CHEK1: variants seen among roughly 807,000 people sequenced by gnomAD.
CHEK1 encodes checkpoint kinase 1.
Under a neutral mutation model 60.2 loss-of-function variants are expected in CHEK1, and 32 were observed. That is an observed-to-expected ratio of 0.53 (90% confidence interval 0.40 to 0.71). The LOEUF is 0.71. CHEK1 is among the 30% of genes least tolerant of loss of function. The pLI, the probability that CHEK1 is intolerant of heterozygous loss-of-function variation, is 0.00. For missense variants in CHEK1, 399 were observed against 564.6 expected, an observed-to-expected ratio of 0.71 and a Z score of 2.97; for synonymous variants, 179 against 187.2, an observed-to-expected ratio of 0.96 and a Z score of 0.36.
chr11:125,674,276 A>G (rs1942373220), intron 13 of CHEK1, among the ~76,000 whole-genome samples: 1 of 152,236 alleles, frequency 6.6e-6, no homozygotes, highest in Non-Finnish European at 1.5e-5. Context: ...AAACCATGTT[A>G]TATGCTATGC....
Position 125,635,524 on chromosome 11 carries a change from G to T in CHEK1, c.709G>T (p.Ala237Ser). The change falls in exon 7 of 13, where the codon GCT becomes TCT. Residue 237 changes from alanine to serine, a missense_variant. Ala to Ser is a moderately conservative substitution (Grantham distance 99). Transcript: ENST00000438015. Reference protein sequence around the residue: ...YLNPWKKIDSAPLALLHKILV... With the variant: ...YLNPWKKIDSSPLALLHKILV... Reference sequence around the variant, plus strand: ...CAACCCTTGGAAAAAAATCGATTCTGCTCCTCTAGGTAACTGAATTATCTT... The same window carrying T: ...CAACCCTTGGAAAAAAATCGATTCTTCTCCTCTAGGTAACTGAATTATCTT... 1 of 1,595,844 alleles carries T rather than the reference G, an allele frequency of 6.3e-7. No individual in the cohort carries two copies. The highest frequency in any genetic ancestry group is 8.5e-7 in the Non-Finnish European group (1 of 1,169,916).
chr11:125,629,423 G>T lies in CHEK1; in HGVS notation c.387G>T (p.Arg129Ser). The change falls in exon 5 of 13, where the codon AGG becomes AGT. Residue 129 changes from arginine to serine, a missense_variant. Around this residue, in one of 2 missense-constraint regions of CHEK1, gnomAD observed 370 missense variants for 494.8 expected, o/e 0.75. Transcript: ENST00000438015. ...TGCATGGTATTGGAATAACTCACAGGGATATTAAACCAGAAAATCTTCTGT... is the reference window on the plus strand; with the variant it reads ...TGCATGGTATTGGAATAACTCACAGTGATATTAAACCAGAAAATCTTCTGT... ...VYLHGIGITH[R>S]DIKPENLLLD... 1 of 1,613,434 alleles carries T rather than the reference G, an allele frequency of 6.2e-7. No individual in the cohort carries two copies. Among genetic ancestry groups the T allele is most frequent in the Non-Finnish European group, 8.5e-7 (1 of 1,179,680 alleles).
At chr11:125,663,723 T>A (rs1279809681) in intron 13 of CHEK1, among the ~76,000 whole-genome samples, 1 of 152,180 alleles carries the variant, frequency 6.6e-6, no homozygotes, top group Non-Finnish European at 1.5e-5. Flanking sequence ...GATGTCTTCA[T>A]CATAAAATCT....
At chr11:125,652,924 T>A (rs895003193) in intron 11 of CHEK1, among the ~76,000 whole-genome samples, 2 of 152,172 alleles carry the variant, frequency 1.3e-5, no homozygotes, top group Non-Finnish European at 2.9e-5. Context: ...CCTATCTAGC[T>A]GTAATTTTGT....
At chr11:125,676,872 A>G (rs1013662791), downstream of CHEK1, among the ~76,000 whole-genome samples, 13 of 152,186 alleles carry the variant, frequency 8.5e-5, no homozygotes, top group Non-Finnish European at 1.6e-4. Flanking sequence ...ACTTGGAGTC[A>G]TATTTGACCG....
chr11:125,648,725 G>A (rs1941600843), intron 11 of CHEK1, among the ~76,000 whole-genome samples: 1 of 151,160 alleles, frequency 6.6e-6, no homozygotes, highest in African/African-American at 2.4e-5. Flanking sequence ...AACAGAAATA[G>A]AGTCTTTGTC....
At chr11:125,648,005 CT>C (rs953430756) in intron 11 of CHEK1, among the ~76,000 whole-genome samples, 1 of 151,472 alleles carries the variant, frequency 6.6e-6, no homozygotes, top group Non-Finnish European at 1.5e-5. Flanking sequence ...AACATGGGGC[CT>C]TTTTTTTCCC....
rs1269445439 is a variant in CHEK1, at chr11:125,627,641, G to A, written c.100G>A (p.Ala34Thr). 6.2e-7 allele frequency: 1 copy of A among 1,613,790 alleles called. No homozygotes were observed. Among genetic ancestry groups the A allele is most frequent in the Non-Finnish European group, 8.5e-7 (1 of 1,179,874 alleles). The change falls in exon 3 of 13, where the codon GCA (alanine) becomes ACA (threonine). Residue 34 changes from alanine to threonine, a missense_variant. Transcript: ENST00000438015. ...TGCTGTGAATAGAGTAACTGAAGAA[G>A]CAGTCGCAGTGAAGATTGTAGATAT... Reference protein sequence around the residue: ...QLAVNRVTEEAVAVKIVDMKR... With the variant: ...QLAVNRVTEETVAVKIVDMKR...
chr11:125,651,574 C>T (rs1591418560), intron 11 of CHEK1, among the ~76,000 whole-genome samples: 1 of 152,122 alleles, frequency 6.6e-6, no homozygotes, highest in Non-Finnish European at 1.5e-5. Flanking sequence ...AGGCATGAGC[C>T]ACTGTGCCTG....
At chr11:125,629,595 A>T (rs867579262) in intron 5 of CHEK1, 135 bp downstream of exon 5, 3 of 659,394 alleles carry the variant, frequency 4.5e-6, no homozygotes, top group Non-Finnish European at 7.3e-6. Flanking sequence ...TCAAGACAAG[A>T]TCTGAAAAAT....
At chr11:125,668,837 A>G (rs556514765) in intron 13 of CHEK1, among the ~76,000 whole-genome samples, 2 of 152,316 alleles carry the variant, frequency 1.3e-5, no homozygotes, top group African/African-American at 4.8e-5. Flanking sequence ...GATTACAGGT[A>G]TAAGCCACCG....
rs1395326925 is a variant in CHEK1 at position 125,643,905 on chromosome 11, G to A, written c.923+5G>A. ...TCCAGTAAACAGTGCTTCTAGGTAA[G>A]ACTGATAAAGATTGAGTAGTTTTTG... On this transcript the variant is annotated splice_donor_5th_base_variant and intron_variant, in intron 9 of 12. Transcript: ENST00000438015. 5 of 1,607,052 alleles carry A rather than the reference G, an allele frequency of 3.1e-6. No homozygotes were observed. The highest frequency in any genetic ancestry group is 4.3e-6 in the Non-Finnish European group (5 of 1,175,448).
At chr11:125,672,538 T>C (rs1190177714) in intron 13 of CHEK1, 8 of 1,603,004 alleles carry the variant, frequency 5.0e-6, no homozygotes, top group South Asian at 2.2e-5. Context: ...ATGAGCCAAA[T>C]AGAGTGATGG....
intron 1 of CHEK1, 120 bp from the exon 2 acceptor site, chr11:125,626,629 G>T: frequency 1.3e-6 from 1 of 784,204 alleles, no homozygotes; most frequent in South Asian, 1.5e-5. Flanking sequence ...ATGTGGATGA[G>T]ATAGAAGGGG....
intron 13 of CHEK1, among the ~76,000 whole-genome samples, chr11:125,669,563 G>A (rs1205755592): frequency 2.4e-5 from 3 of 122,552 alleles, no homozygotes; most frequent in Admixed American, 2.2e-4. Context: ...TCGCTCTGTC[G>A]CCCAGGCTGG....
Position 125,625,345 on chromosome 11 carries a change from C to G in CHEK1, c.-688C>G, listed in dbSNP as rs997980704. On this transcript the variant is annotated 5_prime_UTR_variant, in exon 1 of 13. Transcript: ENST00000438015. ...AGCTCCAACATAAACTGCTCGCTTT[C>G]TCCGGGAAACTTGCCCCGCCACACA... 5 of 248,058 alleles carry G rather than the reference C, an allele frequency of 2.0e-5. No individual in the cohort carries two copies. Among genetic ancestry groups the G allele is most frequent in the Non-Finnish European group, 3.9e-5 (5 of 127,474 alleles). The allele number at this position is 248,058 out of a possible 1,614,324, so 15.4% of individuals were successfully genotyped here.
chr11:125,654,948 A>G (rs1941860432), intron 12 of CHEK1, among the ~76,000 whole-genome samples: 1 of 152,188 alleles, frequency 6.6e-6, no homozygotes, highest in Non-Finnish European at 1.5e-5. Flanking sequence ...GTCCAGATAT[A>G]CCAACACCTG....
At chr11:125,673,283 C>T (rs1266712023) in intron 13 of CHEK1, among the ~76,000 whole-genome samples, 3 of 151,902 alleles carry the variant, frequency 2.0e-5, no homozygotes, top group African/African-American at 7.2e-5. Flanking sequence ...CAGCTCACCG[C>T]AGCCTCCACC....
At position 125,670,108 on chromosome 11, in the gene CHEK1, A is replaced by T. The variant is rs555889330; in HGVS notation, c.*28-5820A>T. On this transcript the variant is annotated intron_variant, in intron 13 of 13. Coordinates refer to the CHEK1 transcript ENST00000428830. Reference sequence around the variant, plus strand: ...ATTTGGTGACTAAACATGGTCTCCAATATGCTATTAAACCATGTAGGGATT... The same window carrying T: ...ATTTGGTGACTAAACATGGTCTCCATTATGCTATTAAACCATGTAGGGATT... Among the ~76,000 whole-genome samples, 10 of 152,328 alleles carry T rather than the reference A, an allele frequency of 6.6e-5. No individual in the cohort carries two copies. The South Asian group carries it at 2.1e-3, about 32-fold the overall frequency.
Sources: allele counts gnomAD v4.1 joint callset (sites outside exome capture counted in the v4.1 genomes callset), GRCh38; gene constraint gnomAD v4.1.1; regional missense constraint gnomAD v4.1.1; transcripts MANE v1.5; gene names NCBI Gene and HGNC (gene_info 2026-07-23, HGNC 2026-07-21).